ADAMTS3: variants seen among roughly 807,000 people sequenced by gnomAD.
ADAMTS3 encodes A disintegrin and metalloproteinase with thrombospondin motifs 3.
Under a neutral mutation model 129.0 loss-of-function variants are expected in ADAMTS3, and 73 were observed. The observed-to-expected ratio is 0.57, with a 90% CI of 0.47 to 0.69. The LOEUF is 0.69. Ranked by LOEUF, ADAMTS3 falls within the 30% of genes least tolerant of loss-of-function variation. The pLI is 0.00. For synonymous variants in ADAMTS3, 477 were observed against 510.8 expected (o/e 0.93, Z 0.89); for missense variants, 1,457 against 1,514.5 (o/e 0.96, Z 0.63).
intron 3 of ADAMTS3, among the ~76,000 whole-genome samples, chr4:72,458,401 C>CA (rs1718680620): frequency 6.6e-6 from 1 of 150,612 alleles, no homozygotes; most frequent in African/African-American, 2.4e-5. Context: ...AAATAGCAAG[C>CA]AAAAAAATGC....
At chr4:72,346,161 GTGTC>G in intron 4 of ADAMTS3, among the ~76,000 whole-genome samples, 1 of 152,210 alleles carries the variant, frequency 6.6e-6, no homozygotes, top group East Asian at 1.9e-4. Context: ...CCAACAGATT[GTGTC>G]TTCCTGCATT....
chr4:72,372,975 A>G (rs1049715312), intron 4 of ADAMTS3, among the ~76,000 whole-genome samples: 2 of 152,188 alleles, frequency 1.3e-5, no homozygotes, highest in Non-Finnish European at 2.9e-5. Context: ...AATTCCATAC[A>G]TATTTTGGAA....
intron 15 of ADAMTS3, 38 bp downstream of exon 15, chr4:72,309,359 A>G: frequency 1.2e-6 from 2 of 1,602,464 alleles, no homozygotes; most frequent in South Asian, 1.1e-5. Context: ...TACAAATCAC[A>G]GAGAAGAATA....
intron 4 of ADAMTS3, among the ~76,000 whole-genome samples, chr4:72,381,564 C>T (rs1721289458): frequency 6.6e-6 from 1 of 152,078 alleles, no homozygotes; most frequent in Non-Finnish European, 1.5e-5. Flanking sequence ...TCAACTGACA[C>T]CTAATGTGAT....
intron 3 of ADAMTS3, among the ~76,000 whole-genome samples, chr4:72,465,412 C>A (rs1314608036): frequency 6.6e-6 from 1 of 151,910 alleles, no homozygotes; most frequent in Non-Finnish European, 1.5e-5. Context: ...TCATGTAAGG[C>A]CTTGCAGATG....
At chr4:72,524,039 A>G (rs1178685576) in intron 3 of ADAMTS3, among the ~76,000 whole-genome samples, 1 of 152,164 alleles carries the variant, frequency 6.6e-6, no homozygotes, top group Non-Finnish European at 1.5e-5. Context: ...AAAACTTTAG[A>G]GCAATCCTTA....
At chr4:72,336,377 C>T (rs762413225) in intron 5 of ADAMTS3, among the ~76,000 whole-genome samples, 2 of 152,106 alleles carry the variant, frequency 1.3e-5, no homozygotes, top group Non-Finnish European at 2.9e-5. Context: ...TAAAGCATGG[C>T]CAGCAAAGGA....
At chr4:72,534,449 T>C (rs1721137486) in intron 3 of ADAMTS3, among the ~76,000 whole-genome samples, 1 of 152,160 alleles carries the variant, frequency 6.6e-6, no homozygotes, top group African/African-American at 2.4e-5. Context: ...ATAATGAAGA[T>C]CTGAGAATGA....
chr4:72,426,657 A>T (rs1423449499), intron 3 of ADAMTS3, among the ~76,000 whole-genome samples: 4 of 152,134 alleles, frequency 2.6e-5, no homozygotes, highest in Non-Finnish European at 5.9e-5. Flanking sequence ...GAGACCAAGG[A>T]TGGTGGATCA....
At chr4:72,382,321 A>G (rs1721314426) in intron 4 of ADAMTS3, among the ~76,000 whole-genome samples, 1 of 150,184 alleles carries the variant, frequency 6.7e-6, no homozygotes, top group South Asian at 2.1e-4. Context: ...GTAGTCATGG[A>G]TATAATTATG....
intron 3 of ADAMTS3, among the ~76,000 whole-genome samples, chr4:72,482,189 A>T (rs998771368): frequency 2.6e-5 from 4 of 151,582 alleles, no homozygotes; most frequent in African/African-American, 7.3e-5. Context: ...ATGTTCATTT[A>T]AAAAAAAACC....
chr4:72,333,910 C>A (rs142688027), intron 5 of ADAMTS3, among the ~76,000 whole-genome samples: 2 of 116,596 alleles, frequency 1.7e-5, no homozygotes, highest in Non-Finnish European at 3.2e-5. Flanking sequence ...AGTGCAGTGG[C>A]GCGATCTAGG....
chr4:72,312,476 A>G lies in ADAMTS3; in HGVS notation c.1746-10T>C, dbSNP rs117610354. On this transcript the variant is annotated splice_polypyrimidine_tract_variant and intron_variant, in intron 12 of 21. Coordinates refer to ENST00000286657, the MANE Select transcript of ADAMTS3 (RefSeq NM_014243.3). ...ACCACCATTGATGGGCCTAAAGAAA[A>G]GACAACATTTAAAAAGGCCTTTTGG... The G allele has an allele frequency of 1.9e-5, 30 of 1,612,490 alleles. No individual in the cohort carries two copies. The South Asian group carries it at 3.1e-4, about 17-fold the overall frequency.
intron 4 of ADAMTS3, among the ~76,000 whole-genome samples, chr4:72,406,846 G>A (rs1029541272): frequency 6.6e-6 from 1 of 152,100 alleles, no homozygotes; most frequent in Admixed American, 6.6e-5. Flanking sequence ...ATATGTTTCA[G>A]AGATGCCCAT....
chr4:72,309,970 C>G (rs1719190009), intron 14 of ADAMTS3, among the ~76,000 whole-genome samples: 1 of 151,914 alleles, frequency 6.6e-6, no homozygotes, highest in African/African-American at 2.4e-5. Flanking sequence ...AAGATTTTCA[C>G]AGGGGCCAAA....
At chr4:72,513,398 T>C (rs890267478) in intron 3 of ADAMTS3, among the ~76,000 whole-genome samples, 2 of 152,138 alleles carry the variant, frequency 1.3e-5, no homozygotes, top group African/African-American at 4.8e-5. Context: ...CTGTTCTACT[T>C]CCTCTTTATA....
chr4:72,500,311 A>G (rs537555621), intron 3 of ADAMTS3, among the ~76,000 whole-genome samples: 1 of 152,138 alleles, frequency 6.6e-6, no homozygotes, highest in Non-Finnish European at 1.5e-5. Context: ...AATAATAACC[A>G]TTCTGACTGG....
intron 4 of ADAMTS3, among the ~76,000 whole-genome samples, chr4:72,353,926 A>G (rs955717632): frequency 1.3e-5 from 2 of 151,534 alleles, no homozygotes; most frequent in African/African-American, 4.8e-5. Context: ...TAATACCCCC[A>G]TTTTTTTCTC....
intron 3 of ADAMTS3, among the ~76,000 whole-genome samples, chr4:72,495,561 C>T (rs1384704672): frequency 1.3e-5 from 2 of 152,108 alleles, no homozygotes; most frequent in African/African-American, 2.4e-5. Context: ...ATTTGTCAAA[C>T]TCCTTTAAAA....
Sources: allele counts gnomAD v4.1 joint callset (sites outside exome capture counted in the v4.1 genomes callset), GRCh38; gene constraint gnomAD v4.1.1; transcripts MANE v1.5; gene names NCBI Gene and HGNC (gene_info 2026-07-23, HGNC 2026-07-21).